FBP1: variants seen among roughly 807,000 people sequenced by gnomAD.
FBP1 encodes fructose-bisphosphatase 1.
FBP1 carries 22 observed loss-of-function variants against 29.9 expected under a neutral mutation model. That is an observed-to-expected ratio of 0.74 (90% confidence interval 0.53 to 1.05). The LOEUF (loss-of-function observed/expected upper bound fraction) is 1.05. Ranked by LOEUF, FBP1 falls within the 50% of genes least tolerant of loss-of-function variation. FBP1 has a pLI of 0.00. For synonymous variants in FBP1, 175 were observed against 178.6 expected (o/e 0.98, Z 0.16); for missense variants, 345 against 448.2 (o/e 0.77, Z 2.08).
chr9:94,619,380 T>C (rs1017737003), intron 2 of FBP1, among the ~76,000 whole-genome samples: 4 of 152,218 alleles, frequency 2.6e-5, no homozygotes, highest in Non-Finnish European at 5.9e-5. Context: ...CTGGGAAAGA[T>C]AGTAAGCCCA....
chr9:94,613,746 C>G (rs1458658214), intron 3 of FBP1, among the ~76,000 whole-genome samples: 1 of 144,872 alleles, frequency 6.9e-6, no homozygotes, highest in Non-Finnish European at 1.5e-5. Flanking sequence ...GCCTGGGCGA[C>G]AGAGTGAGAC....
rs760640283 is a variant in FBP1 at position 94,606,967 on chromosome 9, A to T, written c.568-15T>A. 6.2e-7 allele frequency: 1 copy of T among 1,613,994 alleles called. No individual in the cohort carries two copies. Among genetic ancestry groups the T allele is most frequent in the Non-Finnish European group, 8.5e-7 (1 of 1,179,916 alleles). ...TCCCCGATGGCCTTTTTAGACAAGG[A>T]AGGAAAGGTGGAGAGATGACGAGCG... On this transcript the variant is annotated splice_polypyrimidine_tract_variant and intron_variant, in intron 4 of 6. Coordinates refer to ENST00000375326, the MANE Select transcript of FBP1 (RefSeq NM_000507.4).
chr9:94,639,348 C>A lies in FBP1; in HGVS notation c.-38G>T. 1 of 1,584,364 alleles carries A rather than the reference C, an allele frequency of 6.3e-7. No homozygotes were observed. Among genetic ancestry groups the A allele is most frequent in the South Asian group, 1.1e-5 (1 of 87,206 alleles). The stretch of plus-strand genomic sequence containing the variant: ...TAGAGCGCGGGGCTGCAGGTGCAAG[C>A]GGCAGGTGCGGGGCTGCAGGTGCGG... On this transcript the variant is annotated 5_prime_UTR_variant, in exon 1 of 7. Coordinates refer to ENST00000375326, the MANE Select transcript of FBP1 (RefSeq NM_000507.4).
chr9:94,636,510 C>G (rs16910850), intron 1 of FBP1, among the ~76,000 whole-genome samples: 1 of 151,680 alleles, frequency 6.6e-6, no homozygotes, highest in African/African-American at 2.4e-5. Flanking sequence ...GCATACCTTA[C>G]GTAGCCAAAA....
intron 1 of FBP1, among the ~76,000 whole-genome samples, chr9:94,631,051 C>G (rs977006747): frequency 6.6e-6 from 1 of 152,164 alleles, no homozygotes; most frequent in African/African-American, 2.4e-5. Context: ...AAAAGTGCTC[C>G]AAGTTTACAT....
chr9:94,617,612 A>G (rs1016726410), intron 3 of FBP1, among the ~76,000 whole-genome samples, 156 bp downstream of exon 3: 3 of 152,158 alleles, frequency 2.0e-5, no homozygotes, highest in Non-Finnish European at 4.4e-5. Flanking sequence ...TCGTCATGCA[A>G]TTAGTGCTGA....
intron 1 of FBP1, among the ~76,000 whole-genome samples, chr9:94,629,157 T>G (rs1828066931): frequency 6.6e-6 from 1 of 152,128 alleles, no homozygotes; most frequent in Admixed American, 6.5e-5. Flanking sequence ...AATTTTTGTA[T>G]TTTTAGTAGA....
At chr9:94,620,093 T>G (rs1376588459) in intron 2 of FBP1, among the ~76,000 whole-genome samples, 1 of 151,958 alleles carries the variant, frequency 6.6e-6, no homozygotes, top group Non-Finnish European at 1.5e-5. Flanking sequence ...GAAATGGAGA[T>G]GAGTTTGTGG....
At chr9:94,634,662 A>G (rs989917166) in intron 1 of FBP1, among the ~76,000 whole-genome samples, 1 of 152,164 alleles carries the variant, frequency 6.6e-6, no homozygotes, top group Non-Finnish European at 1.5e-5. Context: ...CTCTCCCAAG[A>G]GTGGATGGAG....
chr9:94,626,672 T>A (rs1407048600), intron 1 of FBP1, among the ~76,000 whole-genome samples: 3 of 152,234 alleles, frequency 2.0e-5, no homozygotes, highest in East Asian at 3.9e-4. Context: ...GAGGAAAAAT[T>A]CCTCAGAAAC....
At chr9:94,612,803 C>T (rs973629763) in intron 3 of FBP1, among the ~76,000 whole-genome samples, 4 of 151,996 alleles carry the variant, frequency 2.6e-5, no homozygotes, top group Non-Finnish European at 4.4e-5. Flanking sequence ...TCAGGTGATC[C>T]GCCTGCCTCA....
chr9:94,639,045 G>C, intron 1 of FBP1, 96 bp downstream of exon 1: 5 of 1,221,150 alleles, frequency 4.1e-6, no homozygotes, highest in Non-Finnish European at 5.8e-6. Context: ...GACAGAGGCT[G>C]ACGGCAGGAG....
At chr9:94,607,756 CAA>C in intron 4 of FBP1, among the ~76,000 whole-genome samples, 1 of 152,070 alleles carries the variant, frequency 6.6e-6, no homozygotes, top group South Asian at 2.1e-4. Context: ...GACGTTGACA[CAA>C]GAGTTGAAAA....
At chr9:94,607,058 C>T (rs548154077) in intron 4 of FBP1, 106 bp from the exon 5 acceptor site, 42 of 1,463,828 alleles carry the variant, frequency 2.9e-5, no homozygotes, top group Non-Finnish European at 3.7e-5. Context: ...GGGGTCGCGG[C>T]GCACGGGCAC....
At chr9:94,619,855 C>T (rs2131488724) in intron 2 of FBP1, among the ~76,000 whole-genome samples, 1 of 111,854 alleles carries the variant, frequency 8.9e-6, no homozygotes, top group Non-Finnish European at 1.7e-5. Context: ...GACTGGGCAA[C>T]AAGAGCAAAA....
At chr9:94,604,598 A>AACCCCGT in intron 6 of FBP1, among the ~76,000 whole-genome samples, 1 of 152,106 alleles carries the variant, frequency 6.6e-6, no homozygotes, top group Non-Finnish European at 1.5e-5. Context: ...AGCCTGGTCA[A>AACCCCGT]CAAGGTGAAA....
At chr9:94,609,063 G>A (rs528028190) in intron 4 of FBP1, among the ~76,000 whole-genome samples, 23 of 151,916 alleles carry the variant, frequency 1.5e-4, no homozygotes, top group Non-Finnish European at 2.5e-4. Flanking sequence ...GGTGGCAGGC[G>A]CCTGTAGTCC....
intron 3 of FBP1, among the ~76,000 whole-genome samples, chr9:94,610,437 A>G (rs185860917): frequency 6.6e-6 from 1 of 152,348 alleles, no homozygotes; most frequent in East Asian, 1.9e-4. Context: ...ATTTAAATAA[A>G]TTAACACTGG....
chr9:94,623,801 C>T (rs533888334), intron 1 of FBP1, among the ~76,000 whole-genome samples: 30 of 152,328 alleles, frequency 2.0e-4, no homozygotes, highest in African/African-American at 6.5e-4. Context: ...GTGCCGAACA[C>T]GGTAGATCAG....
Sources: gnomAD v4.1 joint callset for allele counts (sites outside exome capture counted in the v4.1 genomes callset) on GRCh38, gnomAD v4.1.1 for gene constraint, MANE v1.5 for transcripts, NCBI Gene and HGNC (gene_info 2026-07-23, HGNC 2026-07-21) for gene names.